PTPRD: variants seen among roughly 807,000 people sequenced by gnomAD.
PTPRD encodes the protein protein tyrosine phosphatase receptor type D, also known as receptor-type tyrosine-protein phosphatase delta.
In PTPRD, 34 loss-of-function variants were observed where a neutral mutation model predicts 214.5. That is an observed-to-expected ratio of 0.16 (90% CI 0.12 to 0.21). The LOEUF (loss-of-function observed/expected upper bound fraction) is 0.21, where lower values mean the gene tolerates loss of function less well. PTPRD is among the 10% of genes least tolerant of loss of function. The pLI is 1.00. For missense variants in PTPRD, 2,545 were observed against 2,398.7 expected, an observed-to-expected ratio of 1.06 and a Z score of -1.27; for synonymous variants, 1,128 against 845.7, an observed-to-expected ratio of 1.33 and a Z score of -5.79.
intron 3 of PTPRD, among the ~76,000 whole-genome samples, chr9:10,198,604 T>C (rs542015964): frequency 7.9e-5 from 12 of 152,184 alleles, no homozygotes; most frequent in Admixed American, 2.0e-4. Flanking sequence ...AGGACAAAGG[T>C]AACATTGAAA....
At chr9:8,483,996 G>A in intron 30 of PTPRD, 123 bp downstream of exon 30, 1 of 1,278,020 alleles carries the variant, frequency 7.8e-7, no homozygotes, top group Non-Finnish European at 1.1e-6. Context: ...CTGGGAGTCT[G>A]AGCAGAAGAA....
intron 4 of PTPRD, among the ~76,000 whole-genome samples, chr9:9,962,513 T>G (rs991214494): frequency 2.0e-5 from 3 of 149,576 alleles, no homozygotes; most frequent in South Asian, 2.1e-4. Flanking sequence ...ACCCAAACAT[T>G]AAGCCATTAA....
chr9:9,772,731 T>G (rs111372805), intron 5 of PTPRD, among the ~76,000 whole-genome samples: 11 of 152,316 alleles, frequency 7.2e-5, no homozygotes, highest in African/African-American at 2.6e-4. Flanking sequence ...CACATTGTTT[T>G]GATAGTAATG....
At chr9:9,725,897 G>A (rs903803567) in intron 7 of PTPRD, among the ~76,000 whole-genome samples, 1 of 152,056 alleles carries the variant, frequency 6.6e-6, no homozygotes, top group Non-Finnish European at 1.5e-5. Flanking sequence ...TTCTCTCTCT[G>A]TCTTTCCCAG....
intron 35 of PTPRD, among the ~76,000 whole-genome samples, chr9:8,423,365 T>C (rs1399748427): frequency 6.6e-6 from 1 of 152,210 alleles, no homozygotes; most frequent in Non-Finnish European, 1.5e-5. Flanking sequence ...GCAGTGGTTT[T>C]GTATCCTCCT....
intron 7 of PTPRD, among the ~76,000 whole-genome samples, chr9:9,586,966 G>A (rs1252206074): frequency 6.6e-6 from 1 of 151,920 alleles, no homozygotes; most frequent in African/African-American, 2.4e-5. Flanking sequence ...ATACTGGAGA[G>A]CATAAGTCAT....
intron 2 of PTPRD, among the ~76,000 whole-genome samples, chr9:10,494,449 T>C (rs944447694): frequency 6.6e-6 from 1 of 151,808 alleles, no homozygotes; most frequent in Non-Finnish European, 1.5e-5. Context: ...GGCCTCATAT[T>C]GTTCTTTGGA....
intron 2 of PTPRD, among the ~76,000 whole-genome samples, chr9:10,376,356 T>C (rs915248862): frequency 2.6e-5 from 4 of 151,670 alleles, no homozygotes; most frequent in Non-Finnish European, 4.4e-5. Context: ...ATAAGAAAAC[T>C]AGAGCAAAGG....
intron 11 of PTPRD, among the ~76,000 whole-genome samples, chr9:8,810,957 G>A (rs567013101): frequency 7.9e-5 from 12 of 152,118 alleles, no homozygotes; most frequent in Non-Finnish European, 1.5e-4. Context: ...CTTTCCAACT[G>A]TACCTGCTGA....
At chr9:9,233,661 G>A (rs772122158) in intron 9 of PTPRD, among the ~76,000 whole-genome samples, 8 of 152,192 alleles carry the variant, frequency 5.3e-5, no homozygotes, top group African/African-American at 1.9e-4. Flanking sequence ...CATGCATTGG[G>A]TAAATACACC....
At chr9:10,390,033 T>C (rs2098023773) in intron 2 of PTPRD, among the ~76,000 whole-genome samples, 1 of 151,846 alleles carries the variant, frequency 6.6e-6, no homozygotes, top group South Asian at 2.1e-4. Context: ...TTTCTTTAGA[T>C]GACTTTACAT....
intron 3 of PTPRD, among the ~76,000 whole-genome samples, chr9:10,234,401 C>T (rs781577433): frequency 2.6e-5 from 4 of 151,734 alleles, no homozygotes; most frequent in Non-Finnish European, 4.4e-5. Context: ...ATTGTTTTTC[C>T]TTAACATACA....
At chr9:10,433,312 A>T (rs1251632831) in intron 2 of PTPRD, among the ~76,000 whole-genome samples, 4 of 151,966 alleles carry the variant, frequency 2.6e-5, no homozygotes, top group Non-Finnish European at 5.9e-5. Context: ...ACACGCTGTC[A>T]TCTACTGGAC....
chr9:9,751,701 T>C (rs1300167303), intron 6 of PTPRD, among the ~76,000 whole-genome samples: 1 of 152,052 alleles, frequency 6.6e-6, no homozygotes, highest in Non-Finnish European at 1.5e-5. Flanking sequence ...ATGATATATC[T>C]ACTAGTCAAG....
At chr9:9,714,414 A>T (rs560782262) in intron 7 of PTPRD, among the ~76,000 whole-genome samples, 130 of 152,316 alleles carry the variant, frequency 8.5e-4, no homozygotes, top group African/African-American at 3.0e-3. Context: ...ACCATTTTAA[A>T]AGTTTTTATT....
intron 2 of PTPRD, among the ~76,000 whole-genome samples, chr9:10,368,057 G>C (rs2097545661): frequency 1.3e-5 from 2 of 152,048 alleles, no homozygotes; most frequent in Non-Finnish European, 2.9e-5. Flanking sequence ...TAGGGCTATA[G>C]CAGGTGTTTT....
intron 6 of PTPRD, among the ~76,000 whole-genome samples, chr9:9,761,316 G>A (rs1205235489): frequency 1.3e-5 from 2 of 152,182 alleles, no homozygotes; most frequent in African/African-American, 4.8e-5. Context: ...TATATATCAT[G>A]TTTAAAATGA....
chr9:10,415,759 T>A (rs1196629651), intron 2 of PTPRD, among the ~76,000 whole-genome samples: 4 of 151,764 alleles, frequency 2.6e-5, no homozygotes, highest in Admixed American at 1.3e-4. Flanking sequence ...AGAAGACAGA[T>A]CAGAGAAAGA....
chr9:9,335,904 G>T (rs1206141573), intron 9 of PTPRD, among the ~76,000 whole-genome samples: 2 of 151,712 alleles, frequency 1.3e-5, no homozygotes, highest in South Asian at 4.2e-4. Flanking sequence ...CACTAACAAG[G>T]GAGTATGATA....
Sources: allele counts gnomAD v4.1 joint callset (sites outside exome capture counted in the v4.1 genomes callset), GRCh38; gene constraint gnomAD v4.1.1; transcripts MANE v1.5; gene names NCBI Gene and HGNC (gene_info 2026-07-23, HGNC 2026-07-21).